Variants in NEB observed in about 807,000 individuals in gnomAD.
NEB encodes nemaline myopathy type 2.
NEB carries 512 observed loss-of-function variants against 952.2 expected under a neutral mutation model. The ratio of observed to expected loss-of-function variants is 0.54; its 90% CI spans 0.50 to 0.58. NEB has a LOEUF of 0.58. NEB is among the 20% of genes least tolerant of loss of function. The probability of loss-of-function intolerance (pLI) is 0.00; values close to 1 mark genes in which losing one functional copy is unlikely to be tolerated. For missense variants in NEB, 8,428 were observed against 9,231.1 expected (o/e 0.91, Z 3.56); for synonymous variants, 2,900 against 3,149.8 (o/e 0.92, Z 2.66).
intron 147 of NEB, among the ~76,000 whole-genome samples, 174 bp from the exon 148 acceptor site, chr2:151,527,196 A>G (rs561859275): frequency 1.1e-4 from 17 of 151,820 alleles, no homozygotes; most frequent in African/African-American, 3.6e-4. Flanking sequence ...TTTTCAGCCT[A>G]GCTGCCAGGA....
At chr2:151,654,241 C>A in intron 51 of NEB, 142 bp from the exon 52 acceptor site, 1 of 498,626 alleles carries the variant, frequency 2.0e-6, no homozygotes, top group Non-Finnish European at 3.5e-6. Flanking sequence ...AAAAATAAAA[C>A]AAGCTGTTTA....
At chr2:151,649,119 C>T (rs2098999410) in intron 54 of NEB, among the ~76,000 whole-genome samples, 1 of 152,132 alleles carries the variant, frequency 6.6e-6, no homozygotes, top group Non-Finnish European at 1.5e-5. Context: ...TGGATTCCAA[C>T]AAGGGGGAAA....
chr2:151,567,518 A>G (rs2096456860), intron 113 of NEB, 39 bp from the exon 114 acceptor site: 1 of 1,540,270 alleles, frequency 6.5e-7, no homozygotes, highest in Non-Finnish European at 8.8e-7. Flanking sequence ...CAGTTTTGAC[A>G]AGCACACAAG....
At chr2:151,489,393 T>C (rs2054158862) in intron 181 of NEB, among the ~76,000 whole-genome samples, 1 of 152,172 alleles carries the variant, frequency 6.6e-6, no homozygotes, top group Non-Finnish European at 1.5e-5. Flanking sequence ...GCACATTGCA[T>C]ACATCTATAC....
intron 20 of NEB, 196 bp from the exon 21 acceptor site, chr2:151,692,558 C>A: frequency 1.6e-6 from 1 of 618,528 alleles, no homozygotes; most frequent in South Asian, 1.8e-5. Flanking sequence ...TGCTAATAAT[C>A]ATGAAGATGT....
rs376973987 is a variant in NEB, at chr2:151,492,410, C to T, written c.24850G>A (p.Glu8284Lys). The T allele has an allele frequency of 1.9e-6, 3 of 1,608,482 alleles. No homozygotes were observed. In the African/African-American group the frequency reaches 4.0e-5, roughly 22 times the overall value. Residue 8284 changes from glutamate (E) to lysine (K), a missense_variant, in exon 177 of 182, where the codon GAG becomes AAG. Physicochemically the swap from Glu to Lys is moderately conservative, Grantham distance 56. Transcript: ENST00000397345. ...LDTPEMRRVR[E>K]TQRHISTVKY... The stretch of plus-strand genomic sequence containing the variant: ...ACCGTTGAGATGTGCCGTTGGGTCT[C>T]CCTCACCCGTCTCATCTCGGGGGTA...
At chr2:151,494,278 A>C (rs1376805508) in intron 173 of NEB, 25 bp from the exon 174 acceptor site, 1 of 1,485,610 alleles carries the variant, frequency 6.7e-7, no homozygotes, top group Non-Finnish European at 9.2e-7. Flanking sequence ...TGGGTCCAAA[A>C]AGCCAAAAAG....
At chr2:151,563,996 A>G (rs2096243125) in intron 117 of NEB, 66 bp from the exon 118 acceptor site, 1 of 1,176,850 alleles carries the variant, frequency 8.5e-7, no homozygotes. Flanking sequence ...CACTAAAACA[A>G]TTGGTCTAAT....
chr2:151,554,860 G>T, intron 125 of NEB, 71 bp downstream of exon 125: 1 of 1,115,174 alleles, frequency 9.0e-7, no homozygotes, highest in Non-Finnish European at 1.4e-6. Flanking sequence ...GCACAACAAT[G>T]AAATCACATA....
intron 55 of NEB, among the ~76,000 whole-genome samples, chr2:151,644,802 G>A (rs1022682302): frequency 6.6e-6 from 1 of 152,150 alleles, no homozygotes; most frequent in African/African-American, 2.4e-5. Flanking sequence ...CCCAAATACA[G>A]TCATGCATTG....
chr2:151,606,501 T>C, intron 84 of NEB, 105 bp downstream of exon 84: 1 of 591,844 alleles, frequency 1.7e-6, no homozygotes, highest in Non-Finnish European at 2.8e-6. Context: ...CAGGATGAGA[T>C]GAATTCTATG....
chr2:151,665,962 A>G, intron 41 of NEB, 128 bp downstream of exon 41: 1 of 964,892 alleles, frequency 1.0e-6, no homozygotes. Flanking sequence ...GTGAAATCCT[A>G]AAACTCTGAG....
Position 151,650,180 on chromosome 2 carries a change from C to T in NEB, c.7427G>A (p.Ser2476Asn). ...VLAKTNAKNR[S>N]DRLYREAWDK... The stretch of plus-strand genomic sequence containing the variant: ...TATTTCCAGAGTGCTACTCACATCA[C>T]TCCTATTTTTGGCATTTGTCTTTGC... Residue 2476 changes from serine to asparagine, a missense_variant, in exon 54 of 182, where the codon AGT becomes AAT. Coordinates refer to ENST00000397345, the MANE Select transcript of NEB (RefSeq NM_001164508.2). 1 of 1,613,568 alleles carries T rather than the reference C, an allele frequency of 6.2e-7. No homozygotes were observed. Among genetic ancestry groups the T allele is most frequent in the Non-Finnish European group, 8.5e-7 (1 of 1,179,574 alleles).
chr2:151,540,211 T>C (rs2093852758), intron 138 of NEB, 133 bp downstream of exon 138: 6 of 467,386 alleles, frequency 1.3e-5, no homozygotes, highest in Non-Finnish European at 2.1e-5. Flanking sequence ...TTTTTTCTCT[T>C]TAAAAAAATG....
chr2:151,496,906 C>CATTA (rs769901450), intron 172 of NEB, 35 bp downstream of exon 172: 1 of 1,502,430 alleles, frequency 6.7e-7, no homozygotes, highest in Non-Finnish European at 9.1e-7. Flanking sequence ...TTTTTAAAAT[C>CATTA]AGTAAGTAGT....
At chr2:151,702,432 T>C (rs898146662) in intron 13 of NEB, among the ~76,000 whole-genome samples, 2 of 152,226 alleles carry the variant, frequency 1.3e-5, no homozygotes, top group African/African-American at 4.8e-5. Flanking sequence ...GTTGACTTTC[T>C]GTCTCGTTGA....
chr2:151,507,946 A>T, intron 162 of NEB, 59 bp downstream of exon 162: 1 of 1,236,774 alleles, frequency 8.1e-7, no homozygotes, highest in Non-Finnish European at 1.2e-6. Flanking sequence ...ATCCAGAGGC[A>T]TCTTCCTCAG....
At position 151,493,819 on chromosome 2, in the gene NEB, G is replaced by T; in HGVS notation, c.24628C>A (p.Pro8210Thr). 6.3e-7 allele frequency: 1 copy of T among 1,588,554 alleles called. No individual in the cohort carries two copies. Residue 8210 changes from proline to threonine, a missense_variant, in exon 175 of 182, where the codon CCT becomes ACT. Coordinates refer to ENST00000397345, the MANE Select transcript of NEB (RefSeq NM_001164508.2). ...LGKATPTPFT[P>T]EMERVKRNQE... ...TTGCGTTTCACTCTTTCCATCTCAGGAGTAAAGGGTGTGGGGGTTGCTTTC... is the reference window on the plus strand; with the variant it reads ...TTGCGTTTCACTCTTTCCATCTCAGTAGTAAAGGGTGTGGGGGTTGCTTTC...
intron 44 of NEB, 35 bp downstream of exon 44, chr2:151,664,466 G>A: frequency 6.8e-7 from 1 of 1,460,008 alleles, no homozygotes. Context: ...GTTCTTACTT[G>A]CTCAACCCCA....
Sources: gnomAD v4.1 joint callset for allele counts (sites outside exome capture counted in the v4.1 genomes callset) on GRCh38, gnomAD v4.1.1 for gene constraint, MANE v1.5 for transcripts, NCBI Gene and HGNC (gene_info 2026-07-23, HGNC 2026-07-21) for gene names.